Variants in ZNF292 observed in about 807,000 individuals in gnomAD.
ZNF292 encodes the protein zinc finger protein 292, also known as 16 zinc-finger domain protein.
ZNF292 carries 26 observed loss-of-function variants against 217.9 expected under a neutral mutation model. That is an observed-to-expected ratio of 0.12 (90% CI 0.09 to 0.17). ZNF292 has a LOEUF of 0.17. Among genes scored for constraint, ZNF292 ranks in the 10% least tolerant of loss-of-function variants. The probability of loss-of-function intolerance (pLI) is 1.00; values close to 1 mark genes in which losing one functional copy is unlikely to be tolerated. For synonymous variants in ZNF292, 1,257 were observed against 1,124.1 expected (o/e 1.12, Z -2.37); for missense variants, 2,904 against 3,175.2 (o/e 0.91, Z 2.05).
Position 87,260,988 on chromosome 6 carries a change from G to C in ZNF292, c.7359G>C (p.Thr2453=), listed in dbSNP as rs199609664. The change falls in exon 8 of 8, where the codon ACG becomes ACC. Residue 2453 remains threonine (T), a synonymous_variant. Transcript: ENST00000369577. The part of the protein sequence containing the change: ...GAKNDVKDSD[T]CVSESNDNSR... ...AGAATGATGTGAAAGATTCTGACAC[G>C]TGTGTATCAGAGAGCAATGATAATT... 5 of 1,606,902 alleles carry C rather than the reference G, an allele frequency of 3.1e-6. No individual in the cohort carries two copies. The African/African-American group carries it at 6.7e-5, about 21-fold the overall frequency.
Position 87,254,881 on chromosome 6 carries a change from G to T in ZNF292, c.1252G>T (p.Asp418Tyr), listed in dbSNP as rs1199902097. The change falls in exon 8 of 8, where the codon GAT becomes TAT. Residue 418 changes from aspartate (D) to tyrosine (Y), a missense_variant. Asp to Tyr is a radical substitution (Grantham distance 160, BLOSUM62 -3). This residue lies in a region of ZNF292 where 313 missense variants were observed against 451.0 expected (regional missense o/e 0.69). Transcript: ENST00000369577. ...GTATAATCAGCCAGACCAGAAATAT[G>T]ATGAAGAGAATCTTCCAATACCAAA... ...MLYNQPDQKY[D>Y]EENLPIPNSL... 6.2e-7 allele frequency: 1 copy of T among 1,613,776 alleles called. No homozygotes were observed. Among genetic ancestry groups the T allele is most frequent in the Non-Finnish European group, 8.5e-7 (1 of 1,179,758 alleles).
At chr6:87,159,620 A>G (rs1489983558) in intron 1 of ZNF292, among the ~76,000 whole-genome samples, 1 of 150,846 alleles carries the variant, frequency 6.6e-6, no homozygotes, top group East Asian at 2.0e-4. Flanking sequence ...CTCCTGCCTC[A>G]GCCTCCTGAG....
chr6:87,182,439 A>C (rs531563419), intron 1 of ZNF292, among the ~76,000 whole-genome samples: 3 of 152,212 alleles, frequency 2.0e-5, no homozygotes, highest in African/African-American at 7.2e-5. Context: ...ATCTTTTAAA[A>C]ATTTCCCCAA....
Position 87,257,849 on chromosome 6 carries a change from A to T in ZNF292, c.4220A>T (p.Glu1407Val), listed in dbSNP as rs1300011848. The T allele has an allele frequency of 2.5e-6, 4 of 1,613,886 alleles. 1 individual carries two copies. Among genetic ancestry groups the T allele is most frequent in the Non-Finnish European group, 3.4e-6 (4 of 1,179,810 alleles). Residue 1407 changes from glutamate (E) to valine (V), a missense_variant, in exon 8 of 8, where the codon GAA (glutamate) becomes GTA (valine). Around this residue, in one of 15 missense-constraint regions of ZNF292, gnomAD observed 622 missense variants for 573.1 expected, o/e 1.09. Transcript: ENST00000369577. ...TACTGTAAACCACTGGATGGAGCCG[A>T]AATTGCTCAAGAACTTCTACAGAGT... ...RSYCKPLDGA[E>V]IAQELLQSNG...
At chr6:87,236,391 T>TTTG in intron 5 of ZNF292, among the ~76,000 whole-genome samples, 1 of 121,484 alleles carries the variant, frequency 8.2e-6, no homozygotes, top group South Asian at 2.6e-4. Context: ...CATAGGTTGT[T>TTTG]TTTTTTTTTT....
At chr6:87,183,822 T>C (rs994655097) in intron 1 of ZNF292, among the ~76,000 whole-genome samples, 5 of 152,186 alleles carry the variant, frequency 3.3e-5, no homozygotes, top group African/African-American at 9.6e-5. Context: ...TGGTTGGTAA[T>C]TGTATACACG....
At chr6:87,186,138 A>T (rs1282672443) in intron 1 of ZNF292, among the ~76,000 whole-genome samples, 1 of 152,216 alleles carries the variant, frequency 6.6e-6, no homozygotes, top group Non-Finnish European at 1.5e-5. Flanking sequence ...TCTGATGTCC[A>T]GCCCCTGTCC....
At chr6:87,200,577 G>T (rs912993469) in intron 1 of ZNF292, among the ~76,000 whole-genome samples, 2 of 152,192 alleles carry the variant, frequency 1.3e-5, no homozygotes, top group Non-Finnish European at 2.9e-5. Context: ...CATCAATGTG[G>T]TTGCTTCTGT....
intron 1 of ZNF292, among the ~76,000 whole-genome samples, chr6:87,176,330 T>G (rs1349026126): frequency 6.6e-6 from 1 of 152,132 alleles, no homozygotes; most frequent in Non-Finnish European, 1.5e-5. Context: ...GCAGGTAGGA[T>G]CTAATGGTAA....
intron 3 of ZNF292, 33 bp from the exon 4 acceptor site, chr6:87,218,563 G>A (rs1270631723): frequency 2.0e-6 from 3 of 1,499,620 alleles, no homozygotes; most frequent in Non-Finnish European, 1.8e-6. Flanking sequence ...AAAATCTGTT[G>A]TAATTCTTTG....
Position 87,204,272 on chromosome 6 carries a change from G to A in ZNF292, c.169-11631G>A, listed in dbSNP as rs115802781. Among the ~76,000 whole-genome samples the A allele has an allele frequency of 2.2e-3, 335 of 152,226 alleles. 1 individual carries two copies. The highest frequency in any genetic ancestry group is 7.5e-3 in the African/African-American group (312 of 41,556). ...TATAAAACGTCATTGGGATAATTTGGCATACGTGAATAATGTCTGCAGATT... is the reference window on the plus strand; with the variant it reads ...TATAAAACGTCATTGGGATAATTTGACATACGTGAATAATGTCTGCAGATT... On this transcript the variant is annotated intron_variant, in intron 1 of 7. Coordinates refer to ENST00000369577, the MANE Select transcript of ZNF292 (RefSeq NM_015021.3).
At chr6:87,239,554 G>C (rs1167631758) in intron 5 of ZNF292, among the ~76,000 whole-genome samples, 1 of 151,522 alleles carries the variant, frequency 6.6e-6, no homozygotes, top group African/African-American at 2.4e-5. Context: ...CTCCCGGACA[G>C]GGCGGCTGCC....
chr6:87,177,917 CCTAACTG>C lies in ZNF292; in HGVS notation c.168+22159_168+22165del, dbSNP rs145021955. ...ATATTTCATGCTTCCAGTGTCCCAT[CCTAACTG>C]ATTGGCACCATATCTCTTATTTTTT... On this transcript the variant is annotated intron_variant, in intron 1 of 7. Transcript: ENST00000369577. Among the ~76,000 whole-genome samples, 880 of 152,320 alleles carry C rather than the reference CCTAACTG, an allele frequency of 5.8e-3. 8 individuals carry two copies. Among genetic ancestry groups the C allele is most frequent in the African/African-American group, 0.02 (843 of 41,568 alleles).
chr6:87,212,526 CT>C (rs1772539486), intron 1 of ZNF292, among the ~76,000 whole-genome samples: 1 of 152,220 alleles, frequency 6.6e-6, no homozygotes, highest in Admixed American at 6.5e-5. Context: ...GAAAAAGACA[CT>C]TACGTAGATT....
chr6:87,218,640 T>G lies in ZNF292; in HGVS notation c.447T>G (p.His149Gln), dbSNP rs1253323777. The G allele has an allele frequency of 7.0e-6, 11 of 1,576,120 alleles. No homozygotes were observed. Among genetic ancestry groups the G allele is most frequent in the Non-Finnish European group, 9.5e-6 (11 of 1,160,838 alleles). ...KLMENGSCEL[H>Q]FLATLAQETG... The stretch of plus-strand genomic sequence containing the variant: ...TGGAGAATGGCAGCTGTGAATTGCA[T>G]TTTTTAGCTACTCTAGCTCAAGAGA... Residue 149 changes from histidine (H) to glutamine (Q), a missense_variant, in exon 4 of 8, where the codon CAT becomes CAG. His to Gln is a conservative substitution (Grantham distance 24). Coordinates refer to ENST00000369577, the MANE Select transcript of ZNF292 (RefSeq NM_015021.3).
Position 87,260,355 on chromosome 6 carries a change from G to T in ZNF292, c.6726G>T (p.Gly2242=). The change falls in exon 8 of 8, where the codon GGG becomes GGT. Residue 2242 remains glycine (G), a synonymous_variant. Coordinates refer to ENST00000369577, the MANE Select transcript of ZNF292 (RefSeq NM_015021.3). ...TTGTTCATCTAGAGGCAGACCACGG[G>T]ATTGGACTAAGGGCAAGTAAAACAG... ...NYVVHLEADH[G]IGLRASKTEE... 1.2e-6 allele frequency: 2 copies of T among 1,613,428 alleles called. No homozygotes were observed. Among genetic ancestry groups the T allele is most frequent in the Non-Finnish European group, 1.7e-6 (2 of 1,179,534 alleles).
intron 4 of ZNF292, among the ~76,000 whole-genome samples, chr6:87,228,547 G>A (rs1773484142): frequency 6.6e-6 from 1 of 152,108 alleles, no homozygotes; most frequent in South Asian, 2.1e-4. Context: ...TCTTCTACGA[G>A]TTCTGTAATT....
chr6:87,211,599 A>G (rs1196007014), intron 1 of ZNF292, among the ~76,000 whole-genome samples: 1 of 152,178 alleles, frequency 6.6e-6, no homozygotes, highest in Non-Finnish European at 1.5e-5. Context: ...TAATTTACCT[A>G]ATTACTGAAT....
intron 1 of ZNF292, among the ~76,000 whole-genome samples, chr6:87,194,049 C>T (rs1285812419): frequency 6.6e-6 from 1 of 152,108 alleles, no homozygotes; most frequent in Non-Finnish European, 1.5e-5. Context: ...ACCTAAAGGG[C>T]TCATCCTTTA....
Sources: allele counts gnomAD v4.1 joint callset (sites outside exome capture counted in the v4.1 genomes callset), GRCh38; gene constraint gnomAD v4.1.1; regional missense constraint gnomAD v4.1.1; transcripts MANE v1.5; gene names NCBI Gene and HGNC (gene_info 2026-07-23, HGNC 2026-07-21).